Variants in RTN1 observed in about 807,000 individuals in gnomAD.
The protein encoded by RTN1 is reticulon-1.
A neutral mutation model predicts 65.5 loss-of-function variants in RTN1; 25 were observed. The ratio of observed to expected loss-of-function variants is 0.38; its 90% CI spans 0.28 to 0.53. The LOEUF is 0.53. Ranked by LOEUF, RTN1 falls within the 20% of genes least tolerant of loss-of-function variation. RTN1 has a pLI of 0.79. For missense variants in RTN1, 983 were observed against 1,025.4 expected, an observed-to-expected ratio of 0.96 and a Z score of 0.57; for synonymous variants, 471 against 447.6, an observed-to-expected ratio of 1.05 and a Z score of -0.66.
At position 59,750,086 on chromosome 14, in the gene RTN1, C is replaced by A. The variant is rs1182319522; in HGVS notation, c.242-3605G>T. On this transcript the variant is annotated intron_variant, in intron 1 of 8. Transcript: ENST00000267484. ...TATATTATATATTATATATTATAGA[C>A]ATATATATTATATATTATATATTAT... Among the ~76,000 whole-genome samples the A allele has an allele frequency of 6.4e-4, 45 of 70,738 alleles. 2 individuals carry two copies. The highest frequency in any genetic ancestry group is 1.0e-3 in the South Asian group (3 of 2,868). 46.4% of individuals were successfully genotyped at this position (70,738 alleles called of 152,430 possible). A position where few individuals can be genotyped will look rare whatever the true frequency, so the allele number is the denominator to read the frequency against.
chr14:59,620,284 G>A (rs1882220429), intron 3 of RTN1, among the ~76,000 whole-genome samples: 2 of 152,240 alleles, frequency 1.3e-5, no homozygotes, highest in African/African-American at 2.4e-5. Context: ...ATTTTCCCTG[G>A]AAAATGAGTC....
chr14:59,623,977 A>C (rs977840042), intron 3 of RTN1, among the ~76,000 whole-genome samples: 1 of 152,230 alleles, frequency 6.6e-6, no homozygotes, highest in Non-Finnish European at 1.5e-5. Flanking sequence ...AAATATGACC[A>C]CATTTAAAGC....
At chr14:59,710,397 A>G (rs1328322951) in intron 3 of RTN1, among the ~76,000 whole-genome samples, 1 of 152,202 alleles carries the variant, frequency 6.6e-6, no homozygotes, top group East Asian at 1.9e-4. Context: ...CAGCATTCCA[A>G]GCTTGACATA....
intron 1 of RTN1, among the ~76,000 whole-genome samples, chr14:59,805,959 T>A (rs1213969565): frequency 6.6e-6 from 1 of 152,128 alleles, no homozygotes; most frequent in Non-Finnish European, 1.5e-5. Flanking sequence ...ATTATATGGC[T>A]GGGCACTGTG....
intron 3 of RTN1, among the ~76,000 whole-genome samples, chr14:59,666,696 C>G (rs1010600282): frequency 3.3e-5 from 5 of 151,596 alleles, no homozygotes; most frequent in Non-Finnish European, 2.9e-5. Flanking sequence ...AGACCGCTAG[C>G]AAGACTAATA....
chr14:59,725,831 TAACTGCCGCTAAC>T (rs1171962451), intron 3 of RTN1, among the ~76,000 whole-genome samples: 1 of 152,250 alleles, frequency 6.6e-6, no homozygotes, highest in African/African-American at 2.4e-5. Context: ...TGAAGCACTT[TAACTGCCGCTAAC>T]ATCATTGAAG....
At chr14:59,636,557 A>C (rs1039393444) in intron 3 of RTN1, among the ~76,000 whole-genome samples, 1 of 152,246 alleles carries the variant, frequency 6.6e-6, no homozygotes, top group Non-Finnish European at 1.5e-5. Context: ...TAGTAACAAA[A>C]GAACAGCCTA....
intron 1 of RTN1, among the ~76,000 whole-genome samples, chr14:59,866,637 C>A (rs1194108167): frequency 6.6e-6 from 1 of 152,020 alleles, no homozygotes; most frequent in Non-Finnish European, 1.5e-5. Flanking sequence ...GAGGATATGC[C>A]CACAGAAATA....
intron 3 of RTN1, among the ~76,000 whole-genome samples, chr14:59,621,157 T>G (rs921518492): frequency 6.6e-6 from 1 of 152,182 alleles, no homozygotes; most frequent in Non-Finnish European, 1.5e-5. Context: ...GAAAAGTAGG[T>G]ATTTGAATAA....
intron 3 of RTN1, among the ~76,000 whole-genome samples, chr14:59,626,153 T>C (rs957043046): frequency 6.6e-6 from 1 of 152,214 alleles, no homozygotes; most frequent in African/African-American, 2.4e-5. Context: ...AAGGCATGCT[T>C]TTTTTCAATT....
chr14:59,696,829 T>G lies in RTN1; in HGVS notation c.1765+30090A>C, dbSNP rs567699202. Among the ~76,000 whole-genome samples the G allele has an allele frequency of 8.5e-5, 13 of 152,320 alleles. No homozygotes were observed. The South Asian group carries it at 1.9e-3, about 22-fold the overall frequency. ...AACAATTTTTCAGAATTTCCTATTC[T>G]TGGTCCCTAAACTCCAAATTTAAGA... On this transcript the variant is annotated intron_variant, in intron 3 of 8. Coordinates refer to ENST00000267484, the MANE Select transcript of RTN1 (RefSeq NM_021136.3).
intron 1 of RTN1, among the ~76,000 whole-genome samples, chr14:59,761,881 C>A (rs1245110325): frequency 6.6e-6 from 1 of 152,186 alleles, no homozygotes; most frequent in Non-Finnish European, 1.5e-5. Context: ...GAACATGCGT[C>A]TCTGGGACCT....
rs1483373815 is a variant in RTN1 at position 59,870,509 on chromosome 14, G to A, written c.122C>T (p.Ala41Val). The A allele has an allele frequency of 1.4e-6, 2 of 1,455,488 alleles. No homozygotes were observed. The highest frequency in any genetic ancestry group is 1.5e-5 in the African/African-American group (1 of 67,800). The allele number at this position is 1,455,488 out of a possible 1,614,324, so 90.2% of individuals were successfully genotyped here. The change falls in exon 1 of 9, where the codon GCG becomes GTG. Residue 41 changes from alanine to valine, a missense_variant. Ala to Val is a moderately conservative substitution (Grantham distance 64). Around this residue, in one of 2 missense-constraint regions of RTN1, gnomAD observed 818 missense variants for 801.8 expected, o/e 1.02. Coordinates refer to ENST00000267484, the MANE Select transcript of RTN1 (RefSeq NM_021136.3). This position sits in a 1 kb window ranked among gnomAD's most constrained non-coding sequence, Gnocchi z 5.1. Reference protein sequence around the residue: ...EAVTPKGATPAPQAGEPSPGL... With the variant: ...EAVTPKGATPVPQAGEPSPGL... ...CGGGCTGGGCTCCCCAGCCTGCGGC[G>A]CCGGCGTGGCCCCTTTCGGCGTCAC...
chr14:59,749,124 A>ATC (rs1491574410), intron 1 of RTN1, among the ~76,000 whole-genome samples: 39 of 38,144 alleles, frequency 1.0e-3, no homozygotes, highest in Non-Finnish European at 1.1e-3. Flanking sequence ...ATATATATAT[A>ATC]GATATATCTA....
At chr14:59,839,774 GT>G (rs528886045) in intron 1 of RTN1, among the ~76,000 whole-genome samples, 27 of 151,676 alleles carry the variant, frequency 1.8e-4, no homozygotes, top group Admixed American at 8.5e-4. Flanking sequence ...TAACTCAGGT[GT>G]TTTTTTTTCT....
In RTN1 at chr14:59,790,289, A is replaced by G. The variant is rs776142893; in HGVS notation, c.242-43808T>C. Among the ~76,000 whole-genome samples the G allele has an allele frequency of 3.0e-4, 46 of 152,248 alleles. 1 individual carries two copies. Among genetic ancestry groups the G allele is most frequent in the Admixed American group, 6.5e-4 (10 of 15,288 alleles). On this transcript the variant is annotated intron_variant, in intron 1 of 8. Transcript: ENST00000267484. This position sits in a 1 kb window ranked among gnomAD's most constrained non-coding sequence, Gnocchi z 4.1. Reference sequence around the variant, plus strand: ...ATGTCACACACACACACAGACACACACACACACCTCTAGGAAAAAAGTAGT... The same window carrying G: ...ATGTCACACACACACACAGACACACGCACACACCTCTAGGAAAAAAGTAGT...
At chr14:59,684,273 C>T (rs992591309) in intron 3 of RTN1, among the ~76,000 whole-genome samples, 1 of 151,902 alleles carries the variant, frequency 6.6e-6, no homozygotes, top group East Asian at 1.9e-4. Context: ...AATTTAAAAA[C>T]TTCAGTGCAT....
intron 3 of RTN1, among the ~76,000 whole-genome samples, chr14:59,720,911 T>C (rs139463679): frequency 1.3e-5 from 2 of 152,158 alleles, no homozygotes; most frequent in Admixed American, 6.5e-5. Context: ...AACACCTGTA[T>C]TGTGAAAGAA....
intron 1 of RTN1, among the ~76,000 whole-genome samples, chr14:59,775,936 C>T (rs1025514968): frequency 3.9e-5 from 6 of 152,006 alleles, no homozygotes; most frequent in African/African-American, 1.2e-4. Flanking sequence ...AAATTAAGGG[C>T]AGCAGAGATC....
Sources: gnomAD v4.1 joint callset for allele counts (sites outside exome capture counted in the v4.1 genomes callset) on GRCh38, gnomAD v4.1.1 for gene constraint, gnomAD v4.1.1 regional missense constraint, Gnocchi (gnomAD v3.1) non-coding constraint, MANE v1.5 for transcripts, NCBI Gene and HGNC (gene_info 2026-07-23, HGNC 2026-07-21) for gene names.